DENND2C: variants seen among roughly 807,000 people sequenced by gnomAD.
The protein encoded by DENND2C is DENN domain-containing protein 2C.
A neutral mutation model predicts 112.4 loss-of-function variants in DENND2C; 72 were observed. The observed-to-expected ratio is 0.64, with a 90% CI of 0.53 to 0.78. DENND2C has a LOEUF of 0.78. Ranked by LOEUF, DENND2C falls within the 30% of genes least tolerant of loss-of-function variation. DENND2C has a pLI of 0.00. For missense variants in DENND2C, 992 were observed against 1,113.8 expected, an observed-to-expected ratio of 0.89 and a Z score of 1.56; for synonymous variants, 329 against 381.6, an observed-to-expected ratio of 0.86 and a Z score of 1.61.
intron 2 of DENND2C, among the ~76,000 whole-genome samples, chr1:114,647,878 G>C (rs1435604765): frequency 6.6e-6 from 1 of 151,954 alleles, no homozygotes; most frequent in East Asian, 1.9e-4. Context: ...CGCCATCTTG[G>C]CTCACTGCAA....
chr1:114,627,819 C>G (rs1656386862), intron 3 of DENND2C, among the ~76,000 whole-genome samples: 1 of 152,086 alleles, frequency 6.6e-6, no homozygotes, highest in Admixed American at 6.6e-5. Context: ...GTCTTTGAGA[C>G]TCAGGTTTTC....
intron 15 of DENND2C, among the ~76,000 whole-genome samples, chr1:114,599,688 G>GA (rs1655438655): frequency 6.6e-6 from 1 of 152,056 alleles, no homozygotes; most frequent in African/African-American, 2.4e-5. Flanking sequence ...AGTGTACTTA[G>GA]AAAAGTATTA....
At chr1:114,598,070 T>G (rs573706079) in intron 16 of DENND2C, among the ~76,000 whole-genome samples, 1 of 152,342 alleles carries the variant, frequency 6.6e-6, no homozygotes, top group African/African-American at 2.4e-5. Context: ...ACAATTTAAC[T>G]TTATTTATTA....
chr1:114,622,803 CA>C (rs370119447), intron 6 of DENND2C, among the ~76,000 whole-genome samples, 183 bp downstream of exon 6: 3,453 of 100,232 alleles, frequency 0.034, 89 homozygotes, highest in African/African-American at 0.1. Flanking sequence ...AAACAACAAC[CA>C]AAAAAAAAAA....
At chr1:114,611,152 C>G (rs1186550258) in intron 8 of DENND2C, 35 bp from the exon 9 acceptor site, 5 of 1,612,574 alleles carry the variant, frequency 3.1e-6, no homozygotes, top group Non-Finnish European at 4.2e-6. Context: ...TTTGTATTGT[C>G]CAACAGTAGG....
chr1:114,605,949 A>G (rs193185362), intron 10 of DENND2C, among the ~76,000 whole-genome samples: 178 of 152,352 alleles, frequency 1.2e-3, no homozygotes, highest in South Asian at 2.5e-3. Flanking sequence ...CTGTACTTAT[A>G]TGACAGTCTA....
At chr1:114,669,420 A>G (rs556743981) in intron 1 of DENND2C, among the ~76,000 whole-genome samples, 1 of 152,296 alleles carries the variant, frequency 6.6e-6, no homozygotes, top group East Asian at 1.9e-4. Flanking sequence ...ATCAGCTGCT[A>G]TACAGCTCTA....
chr1:114,605,689 G>C lies in DENND2C; in HGVS notation c.1558-658C>G, dbSNP rs116097712. Among the ~76,000 whole-genome samples the C allele has an allele frequency of 6.0e-3, 918 of 152,322 alleles. 15 individuals carry two copies. Among genetic ancestry groups the C allele is most frequent in the African/African-American group, 0.021 (865 of 41,566 alleles). On this transcript the variant is annotated intron_variant, in intron 10 of 20. Coordinates refer to ENST00000393274, the MANE Select transcript of DENND2C (RefSeq NM_001256404.2). ...TGCCTGTAGTCCCAGCTACTCAGGA[G>C]GCTGAGAAGTGAGAGGATTTCTTGA...
intron 18 of DENND2C, among the ~76,000 whole-genome samples, chr1:114,593,187 C>A (rs959663542): frequency 6.6e-6 from 1 of 152,130 alleles, no homozygotes; most frequent in African/African-American, 2.4e-5. Context: ...TCTTTACTGG[C>A]TGCTCCTCTG....
In DENND2C at chr1:114,622,075, G is replaced by A; in HGVS notation, c.1057-10C>T. On this transcript the variant is annotated splice_polypyrimidine_tract_variant and intron_variant, in intron 6 of 20. Coordinates refer to ENST00000393274, the MANE Select transcript of DENND2C (RefSeq NM_001256404.2). ...GAGGTTTTGGAGGGAGCTAAAACAG[G>A]AGAAGATGTACTGGTAAGATCACCT... 6.6e-7 allele frequency: 1 copy of A among 1,525,302 alleles called. No homozygotes were observed. The highest frequency in any genetic ancestry group is 8.8e-7 in the Non-Finnish European group (1 of 1,137,266). 94.5% of individuals were successfully genotyped at this position (1,525,302 alleles called of 1,614,324 possible).
intron 10 of DENND2C, 48 bp from the exon 11 acceptor site, chr1:114,605,079 GGGAATAGAAA>G (rs763428942): frequency 5.8e-6 from 8 of 1,375,112 alleles, no homozygotes; most frequent in Non-Finnish European, 7.0e-6. Flanking sequence ...TATGTAAGTG[GGGAATAGAAA>G]TAAAAAACTC....
At chr1:114,638,328 G>A (rs1656711659) in intron 3 of DENND2C, among the ~76,000 whole-genome samples, 1 of 151,960 alleles carries the variant, frequency 6.6e-6, no homozygotes, top group Non-Finnish European at 1.5e-5. Flanking sequence ...AAACTTTCTG[G>A]AAGAAAAAAA....
At chr1:114,610,960 C>T in intron 9 of DENND2C, 113 bp downstream of exon 9, 1 of 1,220,858 alleles carries the variant, frequency 8.2e-7, no homozygotes, top group Non-Finnish European at 1.2e-6. Context: ...AGGAAATCAT[C>T]TACAAAATGG....
rs200595912 is a variant in DENND2C at position 114,641,963 on chromosome 1, A to ATT, written c.-205+3483_-205+3484dup. ...TACACACATATATGTATATATATAT[A>ATT]TTTTTTTGAGATGGAGTCTTGCTCT... On this transcript the variant is annotated intron_variant, in intron 3 of 20. Transcript: ENST00000393274. 2.0e-3 allele frequency among the ~76,000 whole-genome samples: 311 copies of ATT among 151,880 alleles called. 2 individuals are homozygous for ATT. Among genetic ancestry groups the ATT allele is most frequent in the African/African-American group, 6.9e-3 (287 of 41,436 alleles).
chr1:114,646,717 A>G (rs892375091), intron 2 of DENND2C, among the ~76,000 whole-genome samples: 1 of 152,222 alleles, frequency 6.6e-6, no homozygotes, highest in Non-Finnish European at 1.5e-5. Flanking sequence ...TTATTTTTAG[A>G]TGAAAATGAA....
chr1:114,637,435 T>C (rs899544979), intron 3 of DENND2C, among the ~76,000 whole-genome samples: 9 of 151,644 alleles, frequency 5.9e-5, no homozygotes, highest in African/African-American at 2.2e-4. Flanking sequence ...ATGTGTAGAC[T>C]GAAAACCACA....
chr1:114,599,801 T>C (rs1655441815), intron 15 of DENND2C, among the ~76,000 whole-genome samples: 1 of 152,076 alleles, frequency 6.6e-6, no homozygotes, highest in Non-Finnish European at 1.5e-5. Flanking sequence ...TTTTTGATGA[T>C]TTACCATTTA....
At chr1:114,609,428 A>G (rs1009757585) in intron 9 of DENND2C, among the ~76,000 whole-genome samples, 1 of 152,268 alleles carries the variant, frequency 6.6e-6, no homozygotes, top group Non-Finnish European at 1.5e-5. Flanking sequence ...CAATGAATAT[A>G]TACTTGTATC....
At chr1:114,606,495 T>C (rs934159410) in intron 10 of DENND2C, among the ~76,000 whole-genome samples, 2 of 152,074 alleles carry the variant, frequency 1.3e-5, no homozygotes, top group African/African-American at 4.8e-5. Flanking sequence ...ATAACTGAAA[T>C]GAAAGAAGTC....
Sources: allele counts gnomAD v4.1 joint callset (sites outside exome capture counted in the v4.1 genomes callset), GRCh38; gene constraint gnomAD v4.1.1; transcripts MANE v1.5; gene names NCBI Gene and HGNC (gene_info 2026-07-23, HGNC 2026-07-21).